Variants in RGS6 observed in about 807,000 individuals in gnomAD.
RGS6 encodes regulator of G protein signaling 6, also known as regulator of G-protein signaling 6.
In RGS6, 30 loss-of-function variants were observed where a neutral mutation model predicts 78.5. The observed-to-expected ratio is 0.38, with a 90% CI of 0.29 to 0.52. The LOEUF is 0.52. RGS6 is among the 20% of genes least tolerant of loss of function. The pLI is 0.85. For missense variants in RGS6, 495 were observed against 609.7 expected (o/e 0.81, Z 1.98); for synonymous variants, 206 against 206.0 (o/e 1.00, Z 0.00).
intron 2 of RGS6, among the ~76,000 whole-genome samples, chr14:72,219,965 C>T (rs956392320): frequency 7.1e-5 from 10 of 141,798 alleles, no homozygotes; most frequent in Admixed American, 1.5e-4. Flanking sequence ...GCAGATAGTA[C>T]GATTCTCTGC....
At chr14:72,284,196 A>G (rs999136318) in intron 2 of RGS6, among the ~76,000 whole-genome samples, 1 of 152,260 alleles carries the variant, frequency 6.6e-6, no homozygotes, top group African/African-American at 2.4e-5. Flanking sequence ...ATGACGCAGT[A>G]GAAAAACCCA....
At chr14:72,186,025 C>A (rs183085415) in intron 2 of RGS6, among the ~76,000 whole-genome samples, 22 of 152,362 alleles carry the variant, frequency 1.4e-4, no homozygotes, top group Non-Finnish European at 3.2e-4. Flanking sequence ...GAGTATTATT[C>A]TCTTCTATGT....
intron 2 of RGS6, among the ~76,000 whole-genome samples, chr14:72,099,184 TG>T (rs1446458887): frequency 6.6e-6 from 1 of 152,148 alleles, no homozygotes; most frequent in Non-Finnish European, 1.5e-5. Context: ...TTTTTTGAAA[TG>T]GAGTCTCTCT....
intron 2 of RGS6, among the ~76,000 whole-genome samples, chr14:72,075,527 TG>T (rs1394630533): frequency 2.0e-5 from 3 of 152,304 alleles, no homozygotes; most frequent in African/African-American, 7.2e-5. Flanking sequence ...CAAAATAGAA[TG>T]GGATACTTTT....
intron 2 of RGS6, among the ~76,000 whole-genome samples, chr14:72,316,687 T>C (rs372848238): frequency 1.6e-4 from 25 of 152,342 alleles, no homozygotes; most frequent in African/African-American, 5.8e-4. Context: ...CTCAAATAGA[T>C]TCCCTAGCCC....
At chr14:71,958,876 T>G (rs2092990549) in intron 1 of RGS6, among the ~76,000 whole-genome samples, 1 of 152,196 alleles carries the variant, frequency 6.6e-6, no homozygotes, top group Non-Finnish European at 1.5e-5. Flanking sequence ...CGGGAGTATG[T>G]ATATTTAGAA....
chr14:72,460,105 C>A (rs955166098), intron 6 of RGS6, among the ~76,000 whole-genome samples: 1 of 152,108 alleles, frequency 6.6e-6, no homozygotes, highest in Admixed American at 6.5e-5. Context: ...TACTAAGAAC[C>A]TTTTGGTGTT....
At chr14:72,228,081 T>C (rs958776010) in intron 2 of RGS6, among the ~76,000 whole-genome samples, 3 of 152,060 alleles carry the variant, frequency 2.0e-5, no homozygotes, top group East Asian at 1.9e-4. Context: ...AGAATGAATA[T>C]GAAAATACAA....
At chr14:72,335,258 C>T (rs778577271) in intron 2 of RGS6, among the ~76,000 whole-genome samples, 17 of 152,134 alleles carry the variant, frequency 1.1e-4, no homozygotes, top group African/African-American at 2.4e-4. Flanking sequence ...TACAGCCCCT[C>T]CCCTAGGCTT....
At chr14:72,169,003 C>T (rs1385144139) in intron 2 of RGS6, among the ~76,000 whole-genome samples, 1 of 152,352 alleles carries the variant, frequency 6.6e-6, no homozygotes, top group South Asian at 2.1e-4. Context: ...CTTCCACCTG[C>T]CCACCCCCAC....
the RGS6 span, among the ~76,000 whole-genome samples, chr14:72,611,255 G>A: frequency 6.6e-6 from 1 of 152,238 alleles, no homozygotes; most frequent in African/African-American, 2.4e-5. Context: ...AAATCTGGCT[G>A]TGACACGTGT....
At chr14:72,053,581 G>C (rs2093457238) in intron 2 of RGS6, among the ~76,000 whole-genome samples, 1 of 152,158 alleles carries the variant, frequency 6.6e-6, no homozygotes, top group Non-Finnish European at 1.5e-5. Flanking sequence ...AATGTCCTGG[G>C]GGCTTGGGGG....
chr14:72,166,948 G>A (rs2096936126), intron 2 of RGS6, among the ~76,000 whole-genome samples: 1 of 152,188 alleles, frequency 6.6e-6, no homozygotes, highest in Admixed American at 6.5e-5. Flanking sequence ...CATTTCATGT[G>A]TGTTTTTGCC....
chr14:72,603,375 G>A, the RGS6 span, among the ~76,000 whole-genome samples: 101 of 152,284 alleles, frequency 6.6e-4, 1 homozygote, highest in Admixed American at 3.6e-3. Context: ...TCCCACAGGC[G>A]CCAGGGGAGG....
chr14:72,509,752 G>A (rs145053831), intron 13 of RGS6, among the ~76,000 whole-genome samples: 5 of 152,350 alleles, frequency 3.3e-5, no homozygotes, highest in African/African-American at 1.2e-4. Context: ...TGAGGAAGGG[G>A]TGGGAGGTGG....
intron 6 of RGS6, among the ~76,000 whole-genome samples, chr14:72,460,403 T>C (rs1272148871): frequency 6.6e-6 from 1 of 152,222 alleles, no homozygotes; most frequent in African/African-American, 2.4e-5. Flanking sequence ...ATAAGCCTCT[T>C]GAGGGCAGAG....
intron 3 of RGS6, among the ~76,000 whole-genome samples, chr14:72,410,569 T>C (rs970067275): frequency 3.4e-3 from 511 of 152,342 alleles, no homozygotes; most frequent in African/African-American, 6.4e-3. Flanking sequence ...GCTCTTTAGT[T>C]TAATTAGATC....
chr14:72,088,668 C>G (rs2095149760), intron 2 of RGS6, among the ~76,000 whole-genome samples: 1 of 152,012 alleles, frequency 6.6e-6, no homozygotes, highest in African/African-American at 2.4e-5. Context: ...CAGACCAGAT[C>G]ATTCTCCTGC....
intron 2 of RGS6, among the ~76,000 whole-genome samples, chr14:72,004,077 A>G (rs1039443827): frequency 3.3e-5 from 5 of 152,210 alleles, no homozygotes; most frequent in African/African-American, 1.2e-4. Context: ...GACAAGTGGA[A>G]TGCTTCCAAA....
Sources: gnomAD v4.1 joint callset for allele counts (sites outside exome capture counted in the v4.1 genomes callset) on GRCh38, gnomAD v4.1.1 for gene constraint, MANE v1.5 for transcripts, NCBI Gene and HGNC (gene_info 2026-07-23, HGNC 2026-07-21) for gene names.